Variants in GPC5 observed in about 807,000 individuals in gnomAD.
The protein encoded by GPC5 is glypican 5, also known as glypican-5.
In GPC5, 47 loss-of-function variants were observed where a neutral mutation model predicts 53.9. That is an observed-to-expected ratio of 0.87 (90% CI 0.69 to 1.11). The LOEUF (loss-of-function observed/expected upper bound fraction) is 1.11, where lower values mean the gene tolerates loss of function less well. Among genes scored for constraint, GPC5 ranks in the 50% most tolerant of loss-of-function variants. GPC5 has a pLI of 0.00. For synonymous variants in GPC5, 286 were observed against 263.3 expected, an observed-to-expected ratio of 1.09 and a Z score of -0.84; for missense variants, 748 against 713.1, an observed-to-expected ratio of 1.05 and a Z score of -0.56.
intron 2 of GPC5, among the ~76,000 whole-genome samples, chr13:91,597,542 A>G (rs768379776): frequency 6.6e-6 from 1 of 152,114 alleles, no homozygotes; most frequent in Non-Finnish European, 1.5e-5. Flanking sequence ...TTATTTGGTT[A>G]TGAGATTTTA....
intron 7 of GPC5, among the ~76,000 whole-genome samples, chr13:92,280,256 C>T (rs2042905042): frequency 6.6e-6 from 1 of 152,048 alleles, no homozygotes; most frequent in Non-Finnish European, 1.5e-5. Flanking sequence ...TGTCTTCTGT[C>T]TTCTTAGTAT....
chr13:92,296,940 G>A (rs1183016021), intron 7 of GPC5, among the ~76,000 whole-genome samples: 1 of 152,222 alleles, frequency 6.6e-6, no homozygotes, highest in Non-Finnish European at 1.5e-5. Context: ...CCATGCCTGA[G>A]CCTCCCACCC....
At chr13:92,766,108 C>G (rs1037398119) in intron 7 of GPC5, among the ~76,000 whole-genome samples, 2 of 152,118 alleles carry the variant, frequency 1.3e-5, no homozygotes, top group African/African-American at 4.8e-5. Flanking sequence ...GCCCGTTGGT[C>G]ATAGTTTGCA....
At chr13:92,613,697 T>G (rs1476333823) in intron 7 of GPC5, among the ~76,000 whole-genome samples, 1 of 138,626 alleles carries the variant, frequency 7.2e-6, no homozygotes, top group Non-Finnish European at 1.5e-5. Flanking sequence ...ATATATATAT[T>G]ATATATATAT....
intron 7 of GPC5, among the ~76,000 whole-genome samples, chr13:92,334,365 C>T (rs1229396308): frequency 1.3e-5 from 2 of 152,072 alleles, no homozygotes; most frequent in Non-Finnish European, 2.9e-5. Context: ...GAAAAGCCCA[C>T]CCCTATGATT....
At chr13:92,434,124 G>C (rs1877205722) in intron 7 of GPC5, among the ~76,000 whole-genome samples, 1 of 152,142 alleles carries the variant, frequency 6.6e-6, no homozygotes. Context: ...CCCTCATTGG[G>C]AGAAATGTTG....
intron 7 of GPC5, among the ~76,000 whole-genome samples, chr13:92,787,971 A>AG (rs1383773048): frequency 6.6e-6 from 1 of 151,972 alleles, no homozygotes. Flanking sequence ...AAAGAATAGT[A>AG]GAAAAATAAT....
At chr13:92,820,502 C>T (rs1191058050) in intron 7 of GPC5, among the ~76,000 whole-genome samples, 1 of 152,104 alleles carries the variant, frequency 6.6e-6, no homozygotes, top group Non-Finnish European at 1.5e-5. Flanking sequence ...CTGATCATAT[C>T]ACTCTTAAAC....
intron 6 of GPC5, among the ~76,000 whole-genome samples, chr13:92,070,339 C>T (rs1406341611): frequency 2.0e-5 from 3 of 152,158 alleles, no homozygotes; most frequent in African/African-American, 4.8e-5. Flanking sequence ...GAATACAACA[C>T]ACTTTACAAG....
At chr13:92,784,283 T>C (rs1270873405) in intron 7 of GPC5, among the ~76,000 whole-genome samples, 5 of 152,160 alleles carry the variant, frequency 3.3e-5, no homozygotes, top group Non-Finnish European at 5.9e-5. Context: ...CTATGATAAT[T>C]ATAATTAGTG....
chr13:91,643,974 G>C (rs369009251), intron 2 of GPC5, among the ~76,000 whole-genome samples: 4 of 27,604 alleles, frequency 1.4e-4, no homozygotes, highest in Middle Eastern at 0.025. Context: ...AAATTCATAT[G>C]TTAAGACTTC....
At chr13:92,291,465 GCTAATCTA>G (rs1375775061) in intron 7 of GPC5, among the ~76,000 whole-genome samples, 3 of 152,142 alleles carry the variant, frequency 2.0e-5, no homozygotes, top group Non-Finnish European at 4.4e-5. Context: ...ACTGTATCTA[GCTAATCTA>G]GTGGGGACAT....
intron 6 of GPC5, among the ~76,000 whole-genome samples, chr13:91,958,577 C>T (rs958833068): frequency 6.6e-6 from 1 of 152,034 alleles, no homozygotes; most frequent in Non-Finnish European, 1.5e-5. Context: ...AATACTCATT[C>T]TTCTCATTGG....
At chr13:92,832,725 T>G (rs1185784064) in intron 7 of GPC5, among the ~76,000 whole-genome samples, 1 of 152,120 alleles carries the variant, frequency 6.6e-6, no homozygotes, top group Non-Finnish European at 1.5e-5. Flanking sequence ...CCCACAATTT[T>G]GGCCTGGCAT....
intron 7 of GPC5, among the ~76,000 whole-genome samples, chr13:92,767,642 T>TCTGTTAGTTACA (rs1047700805): frequency 1.3e-5 from 2 of 152,212 alleles, no homozygotes; most frequent in African/African-American, 4.8e-5. Flanking sequence ...TCCTGCAGTC[T>TCTGTTAGTTACA]CTGTTAGTTA....
chr13:92,759,613 G>A (rs1875074184), intron 7 of GPC5, among the ~76,000 whole-genome samples: 1 of 152,060 alleles, frequency 6.6e-6, no homozygotes, highest in East Asian at 1.9e-4. Context: ...CAGTTTTTTG[G>A]TGGAGTCTTT....
chr13:92,158,863 T>C (rs1433534941), intron 7 of GPC5, among the ~76,000 whole-genome samples: 1 of 152,208 alleles, frequency 6.6e-6, no homozygotes, highest in Non-Finnish European at 1.5e-5. Flanking sequence ...TATCAAAATT[T>C]ATGAACTGTT....
chr13:91,824,674 A>C (rs2038548722), intron 5 of GPC5, among the ~76,000 whole-genome samples: 2 of 151,952 alleles, frequency 1.3e-5, no homozygotes. Flanking sequence ...TTCATGGCAT[A>C]CCTCCAATAA....
At chr13:92,208,436 T>C (rs1450315657) in intron 7 of GPC5, among the ~76,000 whole-genome samples, 1 of 152,216 alleles carries the variant, frequency 6.6e-6, no homozygotes, top group African/African-American at 2.4e-5. Flanking sequence ...AGTTTGTTTA[T>C]TTTTACCTGC....
Sources: gnomAD v4.1 joint callset for allele counts (sites outside exome capture counted in the v4.1 genomes callset) on GRCh38, gnomAD v4.1.1 for gene constraint, MANE v1.5 for transcripts, NCBI Gene and HGNC (gene_info 2026-07-23, HGNC 2026-07-21) for gene names.